RCC1L: variants seen among roughly 807,000 people sequenced by gnomAD.
RCC1L encodes RCC1 like, also known as RCC1-like G exchanging factor-like protein.
Under a neutral mutation model 58.6 loss-of-function variants are expected in RCC1L, and 46 were observed. The observed-to-expected ratio is 0.79, with a 90% CI of 0.62 to 1.00. RCC1L has a LOEUF of 1.00. Among genes scored for constraint, RCC1L ranks in the 50% least tolerant of loss-of-function variants. RCC1L has a pLI of 0.00. For missense variants in RCC1L, 636 were observed against 623.6 expected (o/e 1.02, Z -0.21); for synonymous variants, 281 against 262.9 (o/e 1.07, Z -0.67).
In RCC1L at chr7:75,064,149, G is replaced by A. The variant is rs1225667576; in HGVS notation, c.650+433C>T. On this transcript the variant is annotated intron_variant, in intron 4 of 10. Coordinates refer to ENST00000610322, the MANE Select transcript of RCC1L (RefSeq NM_030798.5). ...GATGGAAACCATTCTGGCCAATATG[G>A]TGAAACCCCCTCTCTACTAAAACTA... 2.0e-5 allele frequency among the ~76,000 whole-genome samples: 3 copies of A among 152,004 alleles called. No individual in the cohort carries two copies. The East Asian group carries it at 5.8e-4, about 29-fold the overall frequency.
At chr7:75,067,637 A>AAAAAATAC (rs1806547658) in intron 2 of RCC1L, among the ~76,000 whole-genome samples, 1 of 152,036 alleles carries the variant, frequency 6.6e-6, no homozygotes, top group African/African-American at 2.4e-5. Context: ...TGTTTTAAAA[A>AAAAAATAC]AAAAATACAA....
At position 75,042,456 on chromosome 7, in the gene RCC1L, A is replaced by T. The variant is rs1312183296; in HGVS notation, c.*576T>A. The T allele has an allele frequency of 4.1e-6, 4 of 987,160 alleles. No homozygotes were observed. The highest frequency in any genetic ancestry group is 4.8e-6 in the Non-Finnish European group (4 of 831,014). The allele number at this position is 987,160 out of a possible 1,614,324, so 61.2% of individuals were successfully genotyped here. A position where few individuals can be genotyped will look rare whatever the true frequency, so the allele number is the denominator to read the frequency against. On this transcript the variant is annotated 3_prime_UTR_variant, in exon 11 of 11. Transcript: ENST00000610322. Reference sequence around the variant, plus strand: ...GAGGCTGGGGCTGGTGCCTGCGGACAGCTCCAGATGGAATCCCAGGCCACG... The same window carrying T: ...GAGGCTGGGGCTGGTGCCTGCGGACTGCTCCAGATGGAATCCCAGGCCACG...
intron 2 of RCC1L, among the ~76,000 whole-genome samples, chr7:75,069,785 G>A (rs987477367): frequency 5.3e-5 from 8 of 151,034 alleles, no homozygotes; most frequent in Non-Finnish European, 8.9e-5. Flanking sequence ...GGCTGGTCTC[G>A]AACTCCTGGC....
At chr7:75,059,630 C>T (rs1046657337) in intron 6 of RCC1L, among the ~76,000 whole-genome samples, 5 of 151,830 alleles carry the variant, frequency 3.3e-5, no homozygotes, top group African/African-American at 7.3e-5. Flanking sequence ...AGGCTGGTAT[C>T]GAACTCCTGG....
At chr7:75,056,489 T>C (rs919346509) in intron 8 of RCC1L, 2 of 1,475,536 alleles carry the variant, frequency 1.4e-6, no homozygotes, top group Non-Finnish European at 1.8e-6. Context: ...TCTGGCCAGA[T>C]TCTTAAAACT....
intron 9 of RCC1L, 40 bp from the exon 10 acceptor site, chr7:75,052,836 G>A: frequency 6.3e-7 from 1 of 1,576,636 alleles, no homozygotes; most frequent in Non-Finnish European, 8.7e-7. Context: ...GGGACTGTGT[G>A]AAGAACAAGT....
At chr7:75,049,479 C>T (rs935248844) in intron 10 of RCC1L, among the ~76,000 whole-genome samples, 5 of 151,678 alleles carry the variant, frequency 3.3e-5, no homozygotes, top group African/African-American at 9.7e-5. Flanking sequence ...CATAAGACCC[C>T]GTCTCTTAAA....
intron 10 of RCC1L, among the ~76,000 whole-genome samples, chr7:75,050,562 T>C (rs1805872937): frequency 6.6e-6 from 1 of 152,184 alleles, no homozygotes; most frequent in African/African-American, 2.4e-5. Context: ...CTGCTTTAAC[T>C]GTTTCCCAAG....
chr7:75,068,587 G>A (rs964567234), intron 2 of RCC1L, among the ~76,000 whole-genome samples: 1 of 151,716 alleles, frequency 6.6e-6, no homozygotes, highest in Non-Finnish European at 1.5e-5. Context: ...TCAGGAGGCC[G>A]AGGCAACAGA....
chr7:75,054,790 A>G (rs902632703), intron 9 of RCC1L, among the ~76,000 whole-genome samples: 1 of 151,224 alleles, frequency 6.6e-6, no homozygotes, highest in Non-Finnish European at 1.5e-5. Context: ...CTCAAAAAAA[A>G]AGAATTCATG....
intron 10 of RCC1L, among the ~76,000 whole-genome samples, chr7:75,031,481 A>G (rs1350496845): frequency 1.3e-5 from 2 of 151,796 alleles, no homozygotes; most frequent in Non-Finnish European, 2.9e-5. Context: ...CAAAAAAGAC[A>G]GTATATTTTG....
intron 2 of RCC1L, among the ~76,000 whole-genome samples, chr7:75,068,383 A>G (rs1460278982): frequency 6.6e-6 from 1 of 150,570 alleles, no homozygotes; most frequent in Non-Finnish European, 1.5e-5. Context: ...ATACTGACTT[A>G]TAAAAGACAT....
downstream of RCC1L, among the ~76,000 whole-genome samples, chr7:75,038,710 C>T (rs1234711374): frequency 2.6e-5 from 4 of 152,142 alleles, no homozygotes; most frequent in Admixed American, 6.5e-5. Context: ...AGTCTGGTGA[C>T]TGCATCCTCA....
At chr7:75,034,276 G>A (rs968528639) in intron 10 of RCC1L, among the ~76,000 whole-genome samples, 13 of 152,176 alleles carry the variant, frequency 8.5e-5, no homozygotes, top group South Asian at 2.1e-4. Flanking sequence ...AGCACTTTAG[G>A]AGTCCAAGGT....
intron 6 of RCC1L, among the ~76,000 whole-genome samples, chr7:75,060,426 G>A (rs1806236357): frequency 6.6e-6 from 1 of 152,178 alleles, no homozygotes; most frequent in Non-Finnish European, 1.5e-5. Flanking sequence ...CCTTTTCTCT[G>A]CAGTTTGTGT....
At chr7:75,038,748 A>G (rs1805482678), downstream of RCC1L, among the ~76,000 whole-genome samples, 4 of 152,112 alleles carry the variant, frequency 2.6e-5, no homozygotes, top group African/African-American at 9.7e-5. Flanking sequence ...ACTGGCACCC[A>G]CCAGGGGGCC....
intron 6 of RCC1L, among the ~76,000 whole-genome samples, chr7:75,059,134 A>C (rs1464939734): frequency 1.3e-5 from 2 of 148,694 alleles, no homozygotes; most frequent in Non-Finnish European, 3.0e-5. Context: ...TGGAGGTTCC[A>C]GTTAAGCCAA....
chr7:75,056,175 G>GTT, intron 8 of RCC1L, 101 bp from the exon 9 acceptor site: 4 of 1,250,726 alleles, frequency 3.2e-6, no homozygotes, highest in Non-Finnish European at 4.6e-6. Flanking sequence ...CATCCACACG[G>GTT]TTTTTTTTTG....
At chr7:75,050,573 T>G (rs953003390) in intron 10 of RCC1L, among the ~76,000 whole-genome samples, 3 of 152,152 alleles carry the variant, frequency 2.0e-5, no homozygotes, top group African/African-American at 4.8e-5. Flanking sequence ...GTTTCCCAAG[T>G]TCCCCCCTCA....
Sources: allele counts gnomAD v4.1 joint callset (sites outside exome capture counted in the v4.1 genomes callset), GRCh38; gene constraint gnomAD v4.1.1; transcripts MANE v1.5; gene names NCBI Gene and HGNC (gene_info 2026-07-23, HGNC 2026-07-21).